The following CSMD3 variants were observed in gnomAD, a reference collection of about 807,000 sequenced individuals.
The protein encoded by CSMD3 is CUB and sushi domain-containing protein 3.
In CSMD3, 177 loss-of-function variants were observed where a neutral mutation model predicts 435.2. The observed-to-expected ratio is 0.41, with a 90% CI of 0.36 to 0.46. The LOEUF (loss-of-function observed/expected upper bound fraction) is 0.46, where lower values mean the gene tolerates loss of function less well. Among genes scored for constraint, CSMD3 ranks in the 20% least tolerant of loss-of-function variants. The pLI is 0.34. For missense variants in CSMD3, 4,265 were observed against 4,504.6 expected, an observed-to-expected ratio of 0.95 and a Z score of 1.52; for synonymous variants, 1,656 against 1,520.5, an observed-to-expected ratio of 1.09 and a Z score of -2.07.
At chr8:113,237,059 A>C (rs1041800740) in intron 3 of CSMD3, among the ~76,000 whole-genome samples, 6 of 152,142 alleles carry the variant, frequency 3.9e-5, no homozygotes, top group Non-Finnish European at 8.8e-5. Context: ...ATCATGCTTG[A>C]CAATATTCTG....
intron 59 of CSMD3, 72 bp from the exon 60 acceptor site, chr8:112,265,662 T>C (rs1816877617): frequency 9.9e-7 from 1 of 1,012,142 alleles, no homozygotes; most frequent in African/African-American, 1.6e-5. Context: ...AGTAAGCATA[T>C]GGCATACTTA....
intron 11 of CSMD3, among the ~76,000 whole-genome samples, chr8:112,845,399 A>T (rs1466791776): frequency 2.0e-5 from 3 of 152,050 alleles, no homozygotes. Context: ...AAAAGGTAAA[A>T]GATTACCTGA....
At chr8:112,964,982 A>G (rs2084364171) in intron 7 of CSMD3, among the ~76,000 whole-genome samples, 1 of 151,984 alleles carries the variant, frequency 6.6e-6, no homozygotes, top group Non-Finnish European at 1.5e-5. Flanking sequence ...CTCTGCGCAC[A>G]GCAGGGTAGC....
chr8:112,756,023 T>C (rs2077690125), intron 13 of CSMD3, among the ~76,000 whole-genome samples: 1 of 152,060 alleles, frequency 6.6e-6, no homozygotes, highest in South Asian at 2.1e-4. Context: ...CTACATATCC[T>C]GGTGGAATCT....
At chr8:112,406,817 T>A in intron 34 of CSMD3, 90 bp from the exon 35 acceptor site, 2 of 748,960 alleles carry the variant, frequency 2.7e-6, no homozygotes, top group Non-Finnish European at 2.1e-6. Flanking sequence ...TTTTGAGAAA[T>A]CATCACTTTT....
At chr8:113,323,283 G>A (rs925287884) in intron 1 of CSMD3, among the ~76,000 whole-genome samples, 16 of 152,032 alleles carry the variant, frequency 1.1e-4, no homozygotes, top group African/African-American at 3.6e-4. Flanking sequence ...TGTAGACATT[G>A]AACACTCTTC....
chr8:112,658,403 T>C (rs2075304515), intron 17 of CSMD3, among the ~76,000 whole-genome samples: 1 of 152,170 alleles, frequency 6.6e-6, no homozygotes, highest in Non-Finnish European at 1.5e-5. Flanking sequence ...CATTATATCG[T>C]ATCAGTCTCT....
intron 11 of CSMD3, among the ~76,000 whole-genome samples, chr8:112,851,052 T>C (rs2080469313): frequency 6.6e-6 from 1 of 152,256 alleles, no homozygotes. Context: ...TTGTTTTTAA[T>C]ATAACATTAT....
intron 6 of CSMD3, among the ~76,000 whole-genome samples, chr8:112,984,489 A>C (rs887313243): frequency 1.3e-5 from 2 of 152,090 alleles, no homozygotes; most frequent in African/African-American, 4.8e-5. Context: ...TAATGTTATA[A>C]TATCTCGCCA....
intron 63 of CSMD3, among the ~76,000 whole-genome samples, chr8:112,251,502 A>T (rs534090842): frequency 2.0e-4 from 30 of 150,762 alleles, no homozygotes; most frequent in Admixed American, 1.6e-3. Context: ...ATTGAAAGTA[A>T]TTTTTTTTTA....
intron 2 of CSMD3, 47 bp downstream of exon 2, chr8:113,314,524 A>T (rs2132668469): frequency 1.7e-6 from 2 of 1,149,088 alleles, no homozygotes; most frequent in African/African-American, 1.5e-5. Flanking sequence ...AACTACTTTT[A>T]CCCAGGAAAT....
chr8:113,420,684 A>G (rs1183108169), intron 1 of CSMD3, among the ~76,000 whole-genome samples: 1 of 152,148 alleles, frequency 6.6e-6, no homozygotes, highest in Non-Finnish European at 1.5e-5. Flanking sequence ...GGGGTGGCTC[A>G]TGCCTGTAAT....
intron 6 of CSMD3, among the ~76,000 whole-genome samples, chr8:112,999,602 A>G (rs974943365): frequency 2.6e-5 from 4 of 151,662 alleles, no homozygotes; most frequent in Admixed American, 2.0e-4. Context: ...TTAATTGCTA[A>G]TATAATATGA....
intron 38 of CSMD3, among the ~76,000 whole-genome samples, chr8:112,373,384 C>G (rs1828626061): frequency 6.6e-6 from 1 of 151,950 alleles, no homozygotes; most frequent in Non-Finnish European, 1.5e-5. Flanking sequence ...ATAGGTGTCT[C>G]CTTGATAGGA....
Position 112,578,244 on chromosome 8 carries a change from A to G in CSMD3, c.3886-4587T>C, listed in dbSNP as rs181070464. Reference sequence around the variant, plus strand: ...TTATTTAGGTTTCTAAAACAGCTACATAATGTATTCTCAATTATACGAGCT... The same window carrying G: ...TTATTTAGGTTTCTAAAACAGCTACGTAATGTATTCTCAATTATACGAGCT... On this transcript the variant is annotated intron_variant, in intron 23 of 70. Transcript: ENST00000297405. 1.2e-3 allele frequency among the ~76,000 whole-genome samples: 187 copies of G among 152,138 alleles called. 1 individual carries two copies. Among genetic ancestry groups the G allele is most frequent in the African/African-American group, 4.0e-3 (168 of 41,534 alleles).
chr8:112,629,985 T>C (rs1586841708), intron 22 of CSMD3, among the ~76,000 whole-genome samples: 2 of 152,162 alleles, frequency 1.3e-5, no homozygotes, highest in African/African-American at 4.8e-5. Context: ...TAAGGAACTG[T>C]GGATGGAATT....
At chr8:112,434,580 A>T (rs564913650) in intron 32 of CSMD3, among the ~76,000 whole-genome samples, 8 of 152,230 alleles carry the variant, frequency 5.3e-5, no homozygotes, top group Admixed American at 4.6e-4. Context: ...TCCCAGAATA[A>T]GATTGTAAAG....
At chr8:112,474,739 T>A (rs565376790) in intron 31 of CSMD3, among the ~76,000 whole-genome samples, 1 of 152,244 alleles carries the variant, frequency 6.6e-6, no homozygotes, top group Admixed American at 6.5e-5. Flanking sequence ...TAATTATTGA[T>A]CAAAGTTTTA....
intron 5 of CSMD3, among the ~76,000 whole-genome samples, chr8:113,088,892 C>G (rs555416299): frequency 6.6e-6 from 1 of 152,096 alleles, no homozygotes; most frequent in Admixed American, 6.5e-5. Flanking sequence ...AAGATGTATA[C>G]AAACAATTCC....
Sources: gnomAD v4.1 joint callset for allele counts (sites outside exome capture counted in the v4.1 genomes callset) on GRCh38, gnomAD v4.1.1 for gene constraint, MANE v1.5 for transcripts, NCBI Gene and HGNC (gene_info 2026-07-23, HGNC 2026-07-21) for gene names.